TMEM150B: variants seen among roughly 807,000 people sequenced by gnomAD.
TMEM150B encodes the protein modulator of macroautophagy TMEM150B.
TMEM150B carries 33 observed loss-of-function variants against 25.2 expected under a neutral mutation model. The observed-to-expected ratio is 1.31, with a 90% CI of 0.99 to 1.75. The LOEUF (loss-of-function observed/expected upper bound fraction) is 1.75. TMEM150B is among the 40% of genes most tolerant of loss of function. The probability of loss-of-function intolerance (pLI) is 0.00; values close to 1 mark genes in which losing one functional copy is unlikely to be tolerated. For missense variants in TMEM150B, 322 were observed against 306.1 expected (o/e 1.05, Z -0.39); for synonymous variants, 133 against 134.8 (o/e 0.99, Z 0.09).
chr19:55,321,165 T>G (rs1449901011), intron 2 of TMEM150B, 72 bp from the exon 3 acceptor site: 1 of 1,458,382 alleles, frequency 6.9e-7, no homozygotes, highest in Non-Finnish European at 9.0e-7. Flanking sequence ...CCCGCTTGGC[T>G]CTCAGGCAGA....
intron 6 of TMEM150B, 63 bp downstream of exon 6, chr19:55,319,976 A>T (rs1273720114): frequency 6.2e-7 from 1 of 1,610,288 alleles, no homozygotes; most frequent in African/African-American, 1.3e-5. Flanking sequence ...GCCACGGGGC[A>T]TGCTGGGAGT....
intron 1 of TMEM150B, among the ~76,000 whole-genome samples, chr19:55,323,199 A>G (rs546211852): frequency 6.6e-6 from 1 of 152,310 alleles, no homozygotes; most frequent in East Asian, 1.9e-4. Flanking sequence ...TGGGAGACCA[A>G]GGTGGGCAGA....
rs536183198 is a variant in TMEM150B at position 55,325,272 on chromosome 19, C to A, written c.-154G>T. 3.2e-4 allele frequency: 316 copies of A among 985,234 alleles called. 2 individuals are homozygous for A. The South Asian group carries it at 0.013, about 40-fold the overall frequency. 61.0% of individuals were successfully genotyped at this position (985,234 alleles called of 1,614,324 possible). On this transcript the variant is annotated splice_region_variant and 5_prime_UTR_variant, in exon 1 of 8. Transcript: ENST00000326652. ...AAGTTGGGAATTAGGCCCCACTCAC[C>A]GGCCACGGGTAGGTTGGGTGTCTGG...
intron 6 of TMEM150B, among the ~76,000 whole-genome samples, chr19:55,317,847 G>A (rs776598241): frequency 8.6e-5 from 13 of 151,926 alleles, no homozygotes; most frequent in Non-Finnish European, 1.5e-4. Context: ...CAGCTACTCA[G>A]GAGGCTGAGG....
chr19:55,312,259 G>T, downstream of TMEM150B: 1 of 400,256 alleles, frequency 2.5e-6, no homozygotes, highest in Non-Finnish European at 4.4e-6. Flanking sequence ...AGGGGGCGGG[G>T]GAGCTGTTTC....
intron 7 of TMEM150B, among the ~76,000 whole-genome samples, chr19:55,315,511 C>T (rs551186918): frequency 6.6e-6 from 1 of 152,144 alleles, no homozygotes; most frequent in Admixed American, 6.6e-5. Context: ...CCTGTAATCC[C>T]AGCACTTTGG....
rs189450737 is a variant in TMEM150B, at chr19:55,317,056, G to A, written c.325-90C>T. 42 of 1,236,896 alleles carry A rather than the reference G, an allele frequency of 3.4e-5. No individual in the cohort carries two copies. The African/African-American group carries it at 5.7e-4, about 17-fold the overall frequency. The allele number at this position is 1,236,896 out of a possible 1,614,324, so 76.6% of individuals were successfully genotyped here. The stretch of plus-strand genomic sequence containing the variant: ...GCCAGGGCCCTTCACCAATGCAGTA[G>A]ACAGTGGTCACCAACTTTCCATACC... On this transcript the variant is annotated intron_variant, in intron 6 of 7. Coordinates refer to ENST00000326652, the MANE Select transcript of TMEM150B (RefSeq NM_001282011.2).
chr19:55,311,840 C>A, downstream of TMEM150B: 5 of 1,526,856 alleles, frequency 3.3e-6, no homozygotes, highest in Non-Finnish European at 2.7e-6. Flanking sequence ...AGACTCTGCC[C>A]CCATCCCCTG....
In TMEM150B at chr19:55,320,463, G is replaced by A; in HGVS notation, c.129-5C>T. The A allele has an allele frequency of 1.3e-6, 2 of 1,596,762 alleles. No homozygotes were observed. The highest frequency in any genetic ancestry group is 1.7e-5 in the Admixed American group (1 of 57,746). On this transcript the variant is annotated splice_region_variant and splice_polypyrimidine_tract_variant and intron_variant, in intron 4 of 7. Transcript: ENST00000326652. ...GGGGGGAAGGATCCGCAGATGCTGGGGAAGACAAAGGGGTCATCCTGGGCA... is the reference window on the plus strand; with the variant it reads ...GGGGGGAAGGATCCGCAGATGCTGGAGAAGACAAAGGGGTCATCCTGGGCA...
chr19:55,323,894 C>G (rs2089270115), intron 1 of TMEM150B, among the ~76,000 whole-genome samples: 1 of 149,724 alleles, frequency 6.7e-6, no homozygotes, highest in Admixed American at 6.7e-5. Context: ...GGGACCTCCA[C>G]CTCCTGGGTT....
chr19:55,323,925 GC>G (rs2089271228), intron 1 of TMEM150B, among the ~76,000 whole-genome samples: 1 of 147,572 alleles, frequency 6.8e-6, no homozygotes, highest in African/African-American at 2.5e-5. Context: ...TCATGCCTCA[GC>G]CTCCCAAGTA....
chr19:55,320,910 C>T (rs1371761742), intron 3 of TMEM150B, 59 bp downstream of exon 3: 2 of 1,575,944 alleles, frequency 1.3e-6, no homozygotes, highest in Non-Finnish European at 1.7e-6. Flanking sequence ...ACCCAGAAAT[C>T]CAGGCCCCAG....
In TMEM150B at chr19:55,321,051, G is replaced by C. The variant is rs771223239; in HGVS notation, c.-15C>G. 4 of 1,611,744 alleles carry C rather than the reference G, an allele frequency of 2.5e-6. No homozygotes were observed. The highest frequency in any genetic ancestry group is 2.2e-5 in the East Asian group (1 of 44,776). On this transcript the variant is annotated 5_prime_UTR_variant, in exon 3 of 8. Transcript: ENST00000326652. Reference sequence around the variant, plus strand: ...TAGCCCCACATGCCGGGCTCTGCAGGTGAAGGATCGGGGCTGAGGCTGGAC... The same window carrying C: ...TAGCCCCACATGCCGGGCTCTGCAGCTGAAGGATCGGGGCTGAGGCTGGAC...
At chr19:55,321,214 C>A in intron 2 of TMEM150B, 121 bp from the exon 3 acceptor site, 1 of 1,330,034 alleles carries the variant, frequency 7.5e-7, no homozygotes, top group Non-Finnish European at 9.9e-7. Context: ...GCCAGCTCTC[C>A]ATTTCCAGGC....
intron 5 of TMEM150B, 111 bp from the exon 6 acceptor site, chr19:55,320,277 T>G: frequency 6.6e-7 from 1 of 1,512,644 alleles, no homozygotes; most frequent in East Asian, 2.3e-5. Context: ...AACTCCCGGA[T>G]TTTGGGGAAA....
At chr19:55,321,228 T>G in intron 2 of TMEM150B, 135 bp from the exon 3 acceptor site, 2 of 1,254,214 alleles carry the variant, frequency 1.6e-6, no homozygotes, top group Non-Finnish European at 1.1e-6. Context: ...TCCAGGCAAT[T>G]TCCCCACCTA....
chr19:55,311,982 C>T, downstream of TMEM150B: 1 of 1,584,036 alleles, frequency 6.3e-7, no homozygotes, highest in Admixed American at 1.8e-5. Context: ...ACCCGGCCGC[C>T]CAGACCCAGA....
chr19:55,319,433 C>CCTTT (rs2089122504), intron 6 of TMEM150B: 10 of 46,836 alleles, frequency 2.1e-4, no homozygotes, highest in Admixed American at 3.5e-4. Flanking sequence ...TCTTCTTCTT[C>CCTTT]TTTTTTTTTT....
chr19:55,312,657 G>A (rs139922819), downstream of TMEM150B: 14,070 of 553,248 alleles, frequency 0.025, 239 homozygotes, highest in Non-Finnish European at 0.031. Flanking sequence ...GCCCGAAGGC[G>A]GGGACGGGGA....
Sources: gnomAD v4.1 joint callset for allele counts (sites outside exome capture counted in the v4.1 genomes callset) on GRCh38, gnomAD v4.1.1 for gene constraint, MANE v1.5 for transcripts, NCBI Gene and HGNC (gene_info 2026-07-23, HGNC 2026-07-21) for gene names.